The following ARHGAP10 variants were observed in gnomAD, a reference collection of about 807,000 sequenced individuals.
The protein encoded by ARHGAP10 is rho GTPase-activating protein 10.
In ARHGAP10, 87 loss-of-function variants were observed where a neutral mutation model predicts 108.6. The observed-to-expected ratio is 0.80, with a 90% confidence interval of 0.67 to 0.96. The LOEUF (loss-of-function observed/expected upper bound fraction) is 0.96. Among genes scored for constraint, ARHGAP10 ranks in the 40% least tolerant of loss-of-function variants. The probability of loss-of-function intolerance (pLI) is 0.00; values close to 1 mark genes in which losing one functional copy is unlikely to be tolerated. For missense variants in ARHGAP10, 939 were observed against 954.5 expected, an observed-to-expected ratio of 0.98 and a Z score of 0.21; for synonymous variants, 347 against 341.1, an observed-to-expected ratio of 1.02 and a Z score of -0.19.
chr4:147,921,015 T>C (rs1243733450), intron 13 of ARHGAP10, among the ~76,000 whole-genome samples: 2 of 152,206 alleles, frequency 1.3e-5, no homozygotes, highest in Non-Finnish European at 2.9e-5. Flanking sequence ...GAAACAGGCA[T>C]TCAAAAAGTA....
intron 18 of ARHGAP10, among the ~76,000 whole-genome samples, chr4:147,976,587 G>T (rs1387212971): frequency 1.3e-5 from 2 of 150,494 alleles, no homozygotes; most frequent in Non-Finnish European, 3.0e-5. Flanking sequence ...GCATTTTCTG[G>T]AGTGTTTAAA....
At chr4:147,785,943 GA>G (rs1730874334) in intron 1 of ARHGAP10, among the ~76,000 whole-genome samples, 1 of 152,202 alleles carries the variant, frequency 6.6e-6, no homozygotes, top group Admixed American at 6.5e-5. Context: ...CTCTAGTAGT[GA>G]AAAACTGAGT....
intron 18 of ARHGAP10, among the ~76,000 whole-genome samples, chr4:148,001,402 T>C (rs911482753): frequency 8.5e-5 from 13 of 152,212 alleles, no homozygotes; most frequent in African/African-American, 3.1e-4. Context: ...TGCGGGCCCT[T>C]TTTTGGTTCC....
chr4:147,820,500 G>T (rs2126783769), intron 1 of ARHGAP10, among the ~76,000 whole-genome samples: 1 of 150,918 alleles, frequency 6.6e-6, no homozygotes, highest in Non-Finnish European at 1.5e-5. Flanking sequence ...TGGCCAGTCT[G>T]GTCTCCACCT....
In ARHGAP10 at chr4:147,946,621, A is replaced by G; in HGVS notation, c.1308A>G (p.Val436=). Residue 436 remains valine, a synonymous_variant, in exon 15 of 23, where the codon GTA becomes GTG. Transcript: ENST00000336498. The part of the protein sequence containing the change: ...VQRLLSMLMD[V]KTCNEVDLEN... Reference sequence around the variant, plus strand: ...TCTTGTTTGCTTGCTCACTAGATGTAAAAACATGCAATGAGGTGGACCTGG... The same window carrying G: ...TCTTGTTTGCTTGCTCACTAGATGTGAAAACATGCAATGAGGTGGACCTGG... 1 of 1,612,040 alleles carries G rather than the reference A, an allele frequency of 6.2e-7. No individual in the cohort carries two copies. Among genetic ancestry groups the G allele is most frequent in the South Asian group, 1.1e-5 (1 of 90,496 alleles).
rs1175026659 is a variant in ARHGAP10, at chr4:147,811,590, T to TA, written c.155-11125dup. ...CTGACAAATATGCAATGGCTTTTTT[T>TA]AAAAAAAAAAAACAAAAAACAAAAC... On this transcript the variant is annotated intron_variant, in intron 1 of 22. Transcript: ENST00000336498. 4.1e-3 allele frequency among the ~76,000 whole-genome samples: 389 copies of TA among 95,118 alleles called. 1 individual carries two copies. Among genetic ancestry groups the TA allele is most frequent in the African/African-American group, 9.5e-3 (345 of 36,134 alleles). The allele number at this position is 95,118 out of a possible 152,430, so 62.4% of individuals were successfully genotyped here.
At chr4:147,878,919 G>GGC (rs1244312429) in intron 8 of ARHGAP10, among the ~76,000 whole-genome samples, 1 of 151,924 alleles carries the variant, frequency 6.6e-6, no homozygotes. Context: ...TAAGACTATA[G>GGC]GCGCCTGCCA....
intron 15 of ARHGAP10, among the ~76,000 whole-genome samples, chr4:147,952,160 G>A (rs1405592008): frequency 6.6e-6 from 1 of 152,174 alleles, no homozygotes; most frequent in Non-Finnish European, 1.5e-5. Flanking sequence ...CAGTTCATCT[G>A]TTGCAGGATA....
chr4:147,907,272 G>A lies in ARHGAP10; in HGVS notation c.1116+553G>A, dbSNP rs532027573. On this transcript the variant is annotated intron_variant, in intron 11 of 22. Transcript: ENST00000336498. ...ATCCAGAGGCACCAAGATTCAGTCT[G>A]TTGGCCACTATTGAAACACTACTTT... 3.0e-4 allele frequency among the ~76,000 whole-genome samples: 45 copies of A among 152,176 alleles called. 1 individual carries two copies.
intron 1 of ARHGAP10, among the ~76,000 whole-genome samples, chr4:147,755,077 C>A (rs1010686010): frequency 6.8e-6 from 1 of 147,056 alleles, no homozygotes. Context: ...AGTGAAACTC[C>A]GTCTCAAAAA....
intron 16 of ARHGAP10, among the ~76,000 whole-genome samples, chr4:147,956,913 T>G (rs1034361529): frequency 6.6e-6 from 1 of 152,160 alleles, no homozygotes; most frequent in African/African-American, 2.4e-5. Context: ...TTTTACCAAA[T>G]GAAGAGGTTC....
intron 17 of ARHGAP10, among the ~76,000 whole-genome samples, chr4:147,965,667 A>T (rs1215006739): frequency 6.6e-6 from 1 of 152,232 alleles, no homozygotes; most frequent in Non-Finnish European, 1.5e-5. Flanking sequence ...TCTTTTACAT[A>T]TAAAGAAAAT....
At chr4:147,991,268 G>T (rs986746019) in intron 18 of ARHGAP10, among the ~76,000 whole-genome samples, 2 of 152,116 alleles carry the variant, frequency 1.3e-5, no homozygotes, top group East Asian at 1.9e-4. Flanking sequence ...TTTACTGGAA[G>T]GACCCGTGAG....
intron 18 of ARHGAP10, among the ~76,000 whole-genome samples, chr4:148,010,115 TG>T (rs1298273654): frequency 6.6e-6 from 1 of 152,206 alleles, no homozygotes; most frequent in Non-Finnish European, 1.5e-5. Context: ...ACTTTTTTTT[TG>T]TCATGAGGTT....
chr4:148,021,269 C>G (rs372341198), intron 18 of ARHGAP10, among the ~76,000 whole-genome samples: 223 of 152,264 alleles, frequency 1.5e-3, no homozygotes, highest in African/African-American at 4.9e-3. Flanking sequence ...CCTCACCCCC[C>G]ACACCCTTTC....
chr4:147,992,926 G>A (rs1243113144), intron 18 of ARHGAP10, among the ~76,000 whole-genome samples: 1 of 152,172 alleles, frequency 6.6e-6, no homozygotes, highest in Non-Finnish European at 1.5e-5. Context: ...GAATGAAGAA[G>A]AAAGTAAGAA....
At chr4:147,872,214 G>A (rs910049926) in intron 7 of ARHGAP10, among the ~76,000 whole-genome samples, 6 of 152,090 alleles carry the variant, frequency 3.9e-5, no homozygotes, top group African/African-American at 1.4e-4. Flanking sequence ...CAGGGATGGT[G>A]GAGTGGTGAT....
intron 19 of ARHGAP10, among the ~76,000 whole-genome samples, chr4:148,030,583 C>G (rs1317435718): frequency 6.6e-6 from 1 of 152,186 alleles, no homozygotes; most frequent in East Asian, 1.9e-4. Flanking sequence ...TGACCATGAT[C>G]TAAGAGTGTT....
intron 1 of ARHGAP10, among the ~76,000 whole-genome samples, chr4:147,818,161 T>C (rs892599082): frequency 2.0e-5 from 3 of 151,006 alleles, no homozygotes; most frequent in East Asian, 1.9e-4. Context: ...TCTTCTTCTT[T>C]TTCTTTTTTT....
Sources: allele counts gnomAD v4.1 joint callset (sites outside exome capture counted in the v4.1 genomes callset), GRCh38; gene constraint gnomAD v4.1.1; transcripts MANE v1.5; gene names NCBI Gene and HGNC (gene_info 2026-07-23, HGNC 2026-07-21).